The following RBFOX1 variants were observed in gnomAD, a reference collection of about 807,000 sequenced individuals.
The protein encoded by RBFOX1 is RNA binding protein fox-1 homolog 1.
In RBFOX1, 8 loss-of-function variants were observed where a neutral mutation model predicts 57.7. The observed-to-expected ratio is 0.14, with a 90% CI of 0.08 to 0.25. RBFOX1 has a LOEUF of 0.25. RBFOX1 is among the 10% of genes least tolerant of loss of function. The pLI is 1.00. For missense variants in RBFOX1, 611 were observed against 548.5 expected, an observed-to-expected ratio of 1.11 and a Z score of -1.14; for synonymous variants, 326 against 222.4, an observed-to-expected ratio of 1.47 and a Z score of -4.15.
At chr16:6,001,473 T>A (rs1479902197) in intron 4 of RBFOX1, among the ~76,000 whole-genome samples, 3 of 152,192 alleles carry the variant, frequency 2.0e-5, no homozygotes, top group Non-Finnish European at 4.4e-5. Context: ...AGAAAGCAAT[T>A]CCTCTGGAGC....
At chr16:7,632,988 C>G (rs931396611) in intron 11 of RBFOX1, among the ~76,000 whole-genome samples, 1 of 152,088 alleles carries the variant, frequency 6.6e-6, no homozygotes, top group African/African-American at 2.4e-5. Flanking sequence ...GAAAATATTT[C>G]CCAAATTCTC....
chr16:6,154,404 C>T (rs867174400), intron 1 of RBFOX1, among the ~76,000 whole-genome samples: 4 of 152,272 alleles, frequency 2.6e-5, no homozygotes, highest in African/African-American at 4.8e-5. Flanking sequence ...GACATGTAGG[C>T]ATTGTAACTG....
chr16:5,471,616 G>A (rs1417111393), intron 2 of RBFOX1, among the ~76,000 whole-genome samples: 1 of 152,124 alleles, frequency 6.6e-6, no homozygotes, highest in Admixed American at 6.5e-5. Context: ...CAGTTACATG[G>A]TCTGCCTGGG....
chr16:6,873,692 C>T (rs1239327169), intron 3 of RBFOX1, among the ~76,000 whole-genome samples: 1 of 152,152 alleles, frequency 6.6e-6, no homozygotes, highest in African/African-American at 2.4e-5. Flanking sequence ...TTTATGGCAT[C>T]ATGATTGTCA....
At chr16:5,380,734 G>C (rs565071336) in intron 1 of RBFOX1, among the ~76,000 whole-genome samples, 3 of 152,204 alleles carry the variant, frequency 2.0e-5, no homozygotes, top group Non-Finnish European at 4.4e-5. Flanking sequence ...TCTAGTAAGG[G>C]ATGGAGGTGA....
At chr16:6,723,635 A>G (rs2066489867) in intron 3 of RBFOX1, 1 of 152,168 alleles carries the variant, frequency 6.6e-6, no homozygotes, top group Non-Finnish European at 1.5e-5. Context: ...CTTTGTTTTA[A>G]TTTTACGATT....
At chr16:7,113,200 T>C (rs943942647) in intron 4 of RBFOX1, among the ~76,000 whole-genome samples, 3 of 152,224 alleles carry the variant, frequency 2.0e-5, no homozygotes, top group Non-Finnish European at 1.5e-5. Flanking sequence ...TTGAGCTTTC[T>C]GAGGAGACCT....
intron 3 of RBFOX1, among the ~76,000 whole-genome samples, chr16:5,715,589 T>C (rs906397595): frequency 2.6e-5 from 4 of 152,252 alleles, no homozygotes; most frequent in East Asian, 1.9e-4. Flanking sequence ...CATAGAATGA[T>C]GAAATGTGAC....
At chr16:5,488,746 A>G (rs1398591386) in intron 2 of RBFOX1, among the ~76,000 whole-genome samples, 3 of 147,432 alleles carry the variant, frequency 2.0e-5, no homozygotes, top group South Asian at 2.2e-4. Flanking sequence ...ATAATGGAGG[A>G]TTATAGTGAT....
intron 3 of RBFOX1, among the ~76,000 whole-genome samples, chr16:6,719,955 G>T (rs189339010): frequency 9.9e-5 from 15 of 151,958 alleles, no homozygotes; most frequent in Admixed American, 7.9e-4. Context: ...TTAGCCGGGG[G>T]TGATGGCAGG....
intron 3 of RBFOX1, among the ~76,000 whole-genome samples, chr16:6,903,092 A>T (rs2068875850): frequency 6.6e-6 from 1 of 152,174 alleles, no homozygotes; most frequent in Admixed American, 6.5e-5. Context: ...TCAGGACTTC[A>T]AGGGAAACTT....
At chr16:5,340,048 G>A (rs2065000653) in intron 1 of RBFOX1, among the ~76,000 whole-genome samples, 1 of 152,054 alleles carries the variant, frequency 6.6e-6, no homozygotes, top group African/African-American at 2.4e-5. Context: ...AATCAGTATG[G>A]GCCAGATTTG....
At chr16:5,685,875 A>T (rs1468607545) in intron 3 of RBFOX1, among the ~76,000 whole-genome samples, 1 of 152,240 alleles carries the variant, frequency 6.6e-6, no homozygotes, top group Admixed American at 6.5e-5. Context: ...AATCTTTTAC[A>T]TATGCAGAAA....
intron 2 of RBFOX1, among the ~76,000 whole-genome samples, chr16:6,533,001 A>T (rs1355172196): frequency 6.6e-6 from 1 of 152,164 alleles, no homozygotes; most frequent in Non-Finnish European, 1.5e-5. Flanking sequence ...TGTCCTAGCT[A>T]CTTGGGAATG....
At chr16:6,757,032 A>G (rs1380549132) in intron 3 of RBFOX1, among the ~76,000 whole-genome samples, 2 of 20,468 alleles carry the variant, frequency 9.8e-5, no homozygotes, top group Non-Finnish European at 2.3e-4. Flanking sequence ...CAAATGGCCA[A>G]CAGGTATAAA....
chr16:5,437,584 A>C (rs2067955238), intron 1 of RBFOX1, among the ~76,000 whole-genome samples: 1 of 152,262 alleles, frequency 6.6e-6, no homozygotes, highest in Non-Finnish European at 1.5e-5. Flanking sequence ...AAATTGCACT[A>C]AAAATTGTTT....
intron 3 of RBFOX1, among the ~76,000 whole-genome samples, chr16:6,765,988 G>C (rs2077270069): frequency 6.6e-6 from 1 of 152,096 alleles, no homozygotes; most frequent in Non-Finnish European, 1.5e-5. Context: ...TGGGAGGGTA[G>C]AAGGGGGATG....
At chr16:5,422,504 AAGG>A (rs1423912077) in intron 1 of RBFOX1, among the ~76,000 whole-genome samples, 2 of 67,884 alleles carry the variant, frequency 2.9e-5, no homozygotes, top group Non-Finnish European at 5.6e-5. Flanking sequence ...GAGGTGAGTA[AAGG>A]AGGAGGTGAG....
chr16:7,025,833 C>G (rs570696489), intron 3 of RBFOX1, among the ~76,000 whole-genome samples: 16 of 152,164 alleles, frequency 1.1e-4, no homozygotes, highest in Non-Finnish European at 1.9e-4. Context: ...TATCTGACAG[C>G]AACCCCAGGT....
Sources: gnomAD v4.1 joint callset for allele counts (sites outside exome capture counted in the v4.1 genomes callset) on GRCh38, gnomAD v4.1.1 for gene constraint, MANE v1.5 for transcripts, NCBI Gene and HGNC (gene_info 2026-07-23, HGNC 2026-07-21) for gene names.